Variants in KTN1 observed in about 807,000 individuals in gnomAD.
KTN1 encodes kinectin.
KTN1 carries 130 observed loss-of-function variants against 222.5 expected under a neutral mutation model. That is an observed-to-expected ratio of 0.58 (90% CI 0.51 to 0.68). The LOEUF is 0.68. Ranked by LOEUF, KTN1 falls within the 30% of genes least tolerant of loss-of-function variation. KTN1 has a pLI of 0.00. For missense variants in KTN1, 1,508 were observed against 1,500.4 expected (o/e 1.01, Z -0.08); for synonymous variants, 512 against 496.3 (o/e 1.03, Z -0.42).
intron 7 of KTN1, among the ~76,000 whole-genome samples, chr14:55,632,715 A>G (rs1383081656): frequency 6.6e-6 from 1 of 152,198 alleles, no homozygotes; most frequent in Non-Finnish European, 1.5e-5. Flanking sequence ...TTATAATGTA[A>G]AAACTTGGAA....
At chr14:55,623,712 G>C (rs1317055768) in intron 5 of KTN1, among the ~76,000 whole-genome samples, 1 of 152,226 alleles carries the variant, frequency 6.6e-6, no homozygotes, top group East Asian at 1.9e-4. Flanking sequence ...TTATTTTATT[G>C]TAATTGGGTG....
intron 43 of KTN1, chr14:55,681,076 T>C (rs1260106321): frequency 2.5e-5 from 5 of 200,006 alleles, no homozygotes; most frequent in African/African-American, 1.2e-4. Flanking sequence ...TTTTACTATT[T>C]AGTATTCTTA....
Position 55,652,879 on chromosome 14 carries a change from C to A in KTN1, c.2633C>A (p.Thr878Asn). 6.2e-7 allele frequency: 1 copy of A among 1,608,984 alleles called. No individual in the cohort carries two copies. The highest frequency in any genetic ancestry group is 1.3e-5 in the African/African-American group (1 of 74,804). ...LLKGKEEQMNTMKAVLEEKEK... is the reference protein window; with the variant it reads ...LLKGKEEQMNNMKAVLEEKEK... ...AAAGGAAAAGAGGAACAGATGAATA[C>A]CATGAAGGCTGTTTTGGAAGAGAAA... Residue 878 changes from threonine to asparagine, a missense_variant, in exon 26 of 44, where the codon ACC becomes AAC. Thr to Asn is a moderately conservative substitution (Grantham distance 65). Coordinates refer to ENST00000395314, the MANE Select transcript of KTN1 (RefSeq NM_001079521.2).
rs567569101 is a variant in KTN1, at chr14:55,609,313, C to T, written c.-30-2706C>T. On this transcript the variant is annotated intron_variant, in intron 1 of 43. Transcript: ENST00000395314. ...ATGGCTTCCACCTTCATCCATGTCC[C>T]TGCCGAGGACATGATCTCATTCCTT... Among the ~76,000 whole-genome samples, 16 of 152,284 alleles carry T rather than the reference C, an allele frequency of 1.1e-4. No individual in the cohort carries two copies. In the East Asian group the frequency reaches 2.9e-3, roughly 28 times the overall value.
intron 1 of KTN1, among the ~76,000 whole-genome samples, chr14:55,601,176 C>A (rs1226062296): frequency 6.6e-6 from 1 of 152,116 alleles, no homozygotes; most frequent in Non-Finnish European, 1.5e-5. Context: ...TCATTTCTGG[C>A]ATTAGTTGTA....
chr14:55,662,151 C>T (rs970267755), intron 32 of KTN1, among the ~76,000 whole-genome samples: 3 of 150,590 alleles, frequency 2.0e-5, no homozygotes, highest in Admixed American at 6.6e-5. Flanking sequence ...ACTGCAAACT[C>T]GGCCTCCTGG....
At chr14:55,638,733 A>C (rs1376269595) in intron 12 of KTN1, among the ~76,000 whole-genome samples, 2 of 151,856 alleles carry the variant, frequency 1.3e-5, no homozygotes, top group Non-Finnish European at 3.0e-5. Context: ...AGCTCTAAAA[A>C]ATTTATCAGG....
intron 40 of KTN1, 60 bp from the exon 41 acceptor site, chr14:55,675,775 T>C: frequency 9.1e-7 from 1 of 1,102,656 alleles, no homozygotes; most frequent in Non-Finnish European, 1.4e-6. Flanking sequence ...CCTAGAGGTA[T>C]CAGCATAATC....
chr14:55,646,655 T>G (rs1220082190), intron 18 of KTN1, among the ~76,000 whole-genome samples: 1 of 151,688 alleles, frequency 6.6e-6, no homozygotes, highest in Admixed American at 6.6e-5. Context: ...ATTTGAAGAA[T>G]TGAATTAATG....
chr14:55,653,154 G>A, intron 27 of KTN1, 69 bp downstream of exon 27: 1 of 1,033,800 alleles, frequency 9.7e-7, no homozygotes, highest in Non-Finnish European at 1.5e-6. Context: ...GCATTAGAAA[G>A]TAAAGATGTT....
chr14:55,596,089 A>G (rs1359305274), intron 1 of KTN1, among the ~76,000 whole-genome samples: 1 of 148,252 alleles, frequency 6.7e-6, no homozygotes, highest in Non-Finnish European at 1.5e-5. Flanking sequence ...TGGGAGGCGG[A>G]GCTTACAGTG....
chr14:55,629,607 A>G (rs1209740539), intron 6 of KTN1, among the ~76,000 whole-genome samples: 4 of 152,064 alleles, frequency 2.6e-5, no homozygotes, highest in African/African-American at 9.7e-5. Flanking sequence ...CCTGGGAATG[A>G]TAGAGAATGA....
intron 13 of KTN1, 46 bp from the exon 14 acceptor site, chr14:55,639,867 G>A: frequency 8.4e-7 from 1 of 1,196,358 alleles, no homozygotes; most frequent in Non-Finnish European, 1.2e-6. Flanking sequence ...TTTGATTTGT[G>A]ACTTCTGAAT....
intron 40 of KTN1, chr14:55,674,896 C>T (rs886849647): frequency 6.6e-6 from 1 of 152,030 alleles, no homozygotes; most frequent in Non-Finnish European, 1.5e-5. Flanking sequence ...TTTGTGTATT[C>T]TTGGGCCAAA....
intron 41 of KTN1, among the ~76,000 whole-genome samples, chr14:55,677,559 G>A (rs990422599): frequency 1.3e-5 from 2 of 151,412 alleles, no homozygotes; most frequent in Non-Finnish European, 2.9e-5. Flanking sequence ...GCTCACTTAT[G>A]TAATATTTTC....
At chr14:55,657,989 G>A (rs1222790176) in intron 29 of KTN1, among the ~76,000 whole-genome samples, 1 of 151,128 alleles carries the variant, frequency 6.6e-6, no homozygotes, top group Non-Finnish European at 1.5e-5. Flanking sequence ...AGCTTATTTA[G>A]TGTAACTTAT....
chr14:55,637,836 A>G lies in KTN1; in HGVS notation c.1774A>G (p.Ile592Val), dbSNP rs141687867. Reference sequence around the variant, plus strand: ...TCAAATTCAGCAGTTCCATTCCCAGATAGCAGCCCAGGTAATGATGCTTTC... The same window carrying G: ...TCAAATTCAGCAGTTCCATTCCCAGGTAGCAGCCCAGGTAATGATGCTTTC... ...KAQIQQFHSQIAAQTSASVLA... is the reference protein window; with the variant it reads ...KAQIQQFHSQVAAQTSASVLA... Residue 592 changes from isoleucine (I) to valine (V), a missense_variant, in exon 12 of 44, where the codon ATA becomes GTA. Coordinates refer to ENST00000395314, the MANE Select transcript of KTN1 (RefSeq NM_001079521.2). 4 of 1,610,634 alleles carry G rather than the reference A, an allele frequency of 2.5e-6. No individual in the cohort carries two copies. In the African/African-American group the frequency reaches 5.3e-5, roughly 22 times the overall value.
At chr14:55,609,765 C>T (rs184681579) in intron 1 of KTN1, among the ~76,000 whole-genome samples, 3 of 152,050 alleles carry the variant, frequency 2.0e-5, no homozygotes, top group Non-Finnish European at 4.4e-5. Context: ...AGTGCCTTAG[C>T]GTCTCTTCTT....
intron 28 of KTN1, among the ~76,000 whole-genome samples, chr14:55,654,730 A>G (rs1404106029): frequency 6.6e-6 from 1 of 152,182 alleles, no homozygotes; most frequent in Non-Finnish European, 1.5e-5. Flanking sequence ...ACTGAAGTTC[A>G]TAGTTTCCAT....
Sources: gnomAD v4.1 joint callset for allele counts (sites outside exome capture counted in the v4.1 genomes callset) on GRCh38, gnomAD v4.1.1 for gene constraint, MANE v1.5 for transcripts, NCBI Gene and HGNC (gene_info 2026-07-23, HGNC 2026-07-21) for gene names.